CCAR1: variants seen among roughly 807,000 people sequenced by gnomAD.
The protein encoded by CCAR1 is cell division cycle and apoptosis regulator 1.
CCAR1 carries 78 observed loss-of-function variants against 163.8 expected under a neutral mutation model. The ratio of observed to expected loss-of-function variants is 0.48; its 90% confidence interval spans 0.40 to 0.57. The LOEUF (loss-of-function observed/expected upper bound fraction) is 0.57, where lower values mean the gene tolerates loss of function less well. CCAR1 is among the 20% of genes least tolerant of loss of function. The pLI, the probability that CCAR1 is intolerant of heterozygous loss-of-function variation, is 0.00. For missense variants in CCAR1, 1,019 were observed against 1,365.2 expected (o/e 0.75, Z 4.00); for synonymous variants, 443 against 460.7 (o/e 0.96, Z 0.49).
At chr10:68,721,881 G>C (rs1206602644) in intron 1 of CCAR1, among the ~76,000 whole-genome samples, 2 of 152,298 alleles carry the variant, frequency 1.3e-5, no homozygotes, top group East Asian at 1.9e-4. Context: ...TTTTCCCAGT[G>C]GTTCTTTAAG....
At chr10:68,742,644 G>T in intron 6 of CCAR1, 75 bp downstream of exon 6, 1 of 1,176,910 alleles carries the variant, frequency 8.5e-7, no homozygotes, top group Non-Finnish European at 1.2e-6. Flanking sequence ...GGCAGAAATT[G>T]TATGTAGCCC....
At chr10:68,772,739 C>T (rs2056618278) in intron 18 of CCAR1, among the ~76,000 whole-genome samples, 1 of 144,912 alleles carries the variant, frequency 6.9e-6, no homozygotes, top group South Asian at 2.2e-4. Flanking sequence ...GTCTGGGCGA[C>T]AGAGCCAGAC....
At chr10:68,734,872 A>C (rs2056087408) in intron 2 of CCAR1, among the ~76,000 whole-genome samples, 2 of 152,116 alleles carry the variant, frequency 1.3e-5, no homozygotes, top group South Asian at 4.1e-4. Context: ...GGATCAAGTA[A>C]AACCTTTATC....
At chr10:68,773,366 A>G (rs2056626346) in intron 19 of CCAR1, among the ~76,000 whole-genome samples, 1 of 152,104 alleles carries the variant, frequency 6.6e-6, no homozygotes, top group Non-Finnish European at 1.5e-5. Context: ...AAGCTGTGCC[A>G]TAAAAGCTAT....
chr10:68,723,539 A>G (rs1288765629), intron 2 of CCAR1, among the ~76,000 whole-genome samples: 1 of 151,994 alleles, frequency 6.6e-6, no homozygotes, highest in African/African-American at 2.4e-5. Flanking sequence ...AGTTGTCAGT[A>G]TTAATGAGTT....
In CCAR1 at chr10:68,747,502, A is replaced by G. The variant is rs2056272730; in HGVS notation, c.762A>G (p.Ala254=). 1 of 1,614,090 alleles carries G rather than the reference A, an allele frequency of 6.2e-7. No homozygotes were observed. The highest frequency in any genetic ancestry group is 1.3e-5 in the African/African-American group (1 of 74,932). ...CACTGCTGCAGGCACAGATTTCAGCAGCTTCTATTACACCACTATTGCAGA... is the reference window on the plus strand; with the variant it reads ...CACTGCTGCAGGCACAGATTTCAGCGGCTTCTATTACACCACTATTGCAGA... The part of the protein sequence containing the change: ...PQSLLQAQIS[A]ASITPLLQTQ... Residue 254 remains alanine, a synonymous_variant, in exon 8 of 25, where the codon GCA becomes GCG. Transcript: ENST00000265872.
In CCAR1 at chr10:68,756,164, C is replaced by T. The variant is rs980083044; in HGVS notation, c.1626-109C>T. On this transcript the variant is annotated intron_variant, in intron 13 of 24. Coordinates refer to ENST00000265872, the MANE Select transcript of CCAR1 (RefSeq NM_018237.4). This position sits in a 1 kb window ranked among gnomAD's most constrained non-coding sequence, Gnocchi z 5.1. ...ATAATTTTTTTTTCTTTAGACCAACCTCAAGTTCTTGCAGCAAAATTTCTT... is the reference window on the plus strand; with the variant it reads ...ATAATTTTTTTTTCTTTAGACCAACTTCAAGTTCTTGCAGCAAAATTTCTT... 24 of 787,922 alleles carry T rather than the reference C, an allele frequency of 3.0e-5. No individual in the cohort carries two copies. The highest frequency in any genetic ancestry group is 4.7e-5 in the Non-Finnish European group (23 of 491,402). 48.8% of individuals were successfully genotyped at this position (787,922 alleles called of 1,614,324 possible).
Position 68,747,391 on chromosome 10 carries a change from G to C in CCAR1, c.651G>C (p.Gln217His), listed in dbSNP as rs781562064. The change falls in exon 8 of 25, where the codon CAG becomes CAC. Residue 217 changes from glutamine to histidine, a missense_variant. Physicochemically the swap from Gln to His is conservative, Grantham distance 24. Around this residue, in one of 4 missense-constraint regions of CCAR1, gnomAD observed 644 missense variants for 904.4 expected, o/e 0.71. Transcript: ENST00000265872. ...TLPNQNQSQT[Q>H]PLLKTPPAVL... ...AATTGAAGAATCAGTCGCAAACCCAGCCATTACTGAAGACTCCTCCTGCTG... is the reference window on the plus strand; with the variant it reads ...AATTGAAGAATCAGTCGCAAACCCACCCATTACTGAAGACTCCTCCTGCTG... The C allele has an allele frequency of 1.9e-6, 3 of 1,612,964 alleles. No homozygotes were observed. Among genetic ancestry groups the C allele is most frequent in the Non-Finnish European group, 2.5e-6 (3 of 1,179,742 alleles).
At chr10:68,759,668 G>GGTGAGCC (rs1174024013) in intron 15 of CCAR1, among the ~76,000 whole-genome samples, 1 of 151,932 alleles carries the variant, frequency 6.6e-6, no homozygotes, top group Non-Finnish European at 1.5e-5. Context: ...ATGCTGCCGC[G>GGTGAGCC]GTGAGCCGTG....
chr10:68,724,207 A>C (rs937371330), intron 2 of CCAR1, among the ~76,000 whole-genome samples: 1 of 152,098 alleles, frequency 6.6e-6, no homozygotes, highest in Non-Finnish European at 1.5e-5. Flanking sequence ...TCATGCCTGT[A>C]ATCCCAGCAT....
At chr10:68,771,922 G>T (rs531227077) in intron 18 of CCAR1, among the ~76,000 whole-genome samples, 35 of 151,910 alleles carry the variant, frequency 2.3e-4, no homozygotes, top group African/African-American at 7.7e-4. Flanking sequence ...GCTTGCTGAA[G>T]TGCAGTGGCG....
chr10:68,721,790 C>T (rs1616158), intron 1 of CCAR1: 190,847 of 275,906 alleles, frequency 0.69, 66,577 homozygotes, highest in Non-Finnish European at 0.73. Context: ...CGAGCTCTGG[C>T]CCTTGAGGGT....
At chr10:68,789,529 A>T (rs1464249986) in intron 23 of CCAR1, among the ~76,000 whole-genome samples, 181 bp from the exon 24 acceptor site, 1 of 152,152 alleles carries the variant, frequency 6.6e-6, no homozygotes, top group Non-Finnish European at 1.5e-5. Context: ...ACTCAGTCTC[A>T]AAAGTAAATA....
In CCAR1 at chr10:68,722,533, C is replaced by T. The variant is rs1335683992; in HGVS notation, c.29C>T (p.Pro10Leu). The change falls in exon 2 of 25, where the codon CCG becomes CTG. Residue 10 changes from proline (P) to leucine (L), a missense_variant. Physicochemically the swap from Pro to Leu is moderately conservative, Grantham distance 98. Transcript: ENST00000265872. ...GCTCAATTTGGAGGACAGAAGAATC[C>T]GCCATGGGCTACTCAGTTTACAGCC... MAQFGGQKN[P>L]PWATQFTATA... 2.5e-6 allele frequency: 4 copies of T among 1,613,876 alleles called. No homozygotes were observed. The highest frequency in any genetic ancestry group is 2.2e-5 in the East Asian group (1 of 44,878).
At chr10:68,748,369 C>T (rs1032265781) in intron 8 of CCAR1, among the ~76,000 whole-genome samples, 2 of 151,712 alleles carry the variant, frequency 1.3e-5, no homozygotes, top group African/African-American at 4.8e-5. Context: ...CATCGCACTT[C>T]AGTCTGGGCG....
chr10:68,747,561 A>G lies in CCAR1; in HGVS notation c.821A>G (p.Gln274Arg). The change falls in exon 8 of 25, where the codon CAA becomes CGA. Residue 274 changes from glutamine to arginine, a missense_variant. This residue lies in a region of CCAR1 where 644 missense variants were observed against 904.4 expected (regional missense o/e 0.71). Coordinates refer to ENST00000265872, the MANE Select transcript of CCAR1 (RefSeq NM_018237.4). ...CAGCCCTTATTACAGCAGCCTCAGCAAAAAGGTATCTTTGCTTTTGTTTCA... is the reference window on the plus strand; with the variant it reads ...CAGCCCTTATTACAGCAGCCTCAGCGAAAAGGTATCTTTGCTTTTGTTTCA... ...QPQPLLQQPQQKAGLLQPPVR... is the reference protein window; with the variant it reads ...QPQPLLQQPQRKAGLLQPPVR... 1 of 1,610,986 alleles carries G rather than the reference A, an allele frequency of 6.2e-7. No homozygotes were observed. The highest frequency in any genetic ancestry group is 8.5e-7 in the Non-Finnish European group (1 of 1,178,090).
At chr10:68,743,505 C>T (rs1468522884) in intron 6 of CCAR1, among the ~76,000 whole-genome samples, 1 of 151,774 alleles carries the variant, frequency 6.6e-6, no homozygotes, top group Non-Finnish European at 1.5e-5. Flanking sequence ...TCTGAAGAAA[C>T]TCAAGTGTGG....
intron 2 of CCAR1, among the ~76,000 whole-genome samples, chr10:68,729,899 C>A (rs920090310): frequency 2.7e-4 from 40 of 145,680 alleles, no homozygotes; most frequent in Non-Finnish European, 4.3e-4. Context: ...GAATTTTATT[C>A]ATTATTTCAG....
chr10:68,767,534 A>G (rs1029281983), intron 17 of CCAR1, among the ~76,000 whole-genome samples: 4 of 152,082 alleles, frequency 2.6e-5, no homozygotes, highest in Non-Finnish European at 5.9e-5. Context: ...GCGTGAGCCA[A>G]CTGCACCCGG....
Sources: allele counts gnomAD v4.1 joint callset (sites outside exome capture counted in the v4.1 genomes callset), GRCh38; gene constraint gnomAD v4.1.1; regional missense constraint gnomAD v4.1.1; non-coding constraint Gnocchi (gnomAD v3.1); transcripts MANE v1.5; gene names NCBI Gene and HGNC (gene_info 2026-07-23, HGNC 2026-07-21).